Variants in GPR107 observed in about 807,000 individuals in gnomAD.
GPR107 encodes the protein G protein-coupled receptor 107, also known as protein GPR107.
A neutral mutation model predicts 75.5 loss-of-function variants in GPR107; 31 were observed. The ratio of observed to expected loss-of-function variants is 0.41; its 90% CI spans 0.31 to 0.55. GPR107 has a LOEUF of 0.55. GPR107 is among the 20% of genes least tolerant of loss of function. The probability of loss-of-function intolerance (pLI) is 0.26; values close to 1 mark genes in which losing one functional copy is unlikely to be tolerated. For synonymous variants in GPR107, 267 were observed against 251.3 expected, an observed-to-expected ratio of 1.06 and a Z score of -0.59; for missense variants, 572 against 665.7, an observed-to-expected ratio of 0.86 and a Z score of 1.55.
chr9:130,137,028 CCA>C lies in GPR107; in HGVS notation c.*1908_*1909del, dbSNP rs1249934208. On this transcript the variant is annotated 3_prime_UTR_variant, in exon 18 of 18. Transcript: ENST00000347136. The stretch of plus-strand genomic sequence containing the variant: ...TGTTTTCCTGTGCAGAAACATAATA[CCA>C]GTTTTCGCAGAAATGTGTCTCAATC... 1 of 152,192 alleles carries C rather than the reference CCA, an allele frequency of 6.6e-6. No homozygotes were observed. The highest frequency in any genetic ancestry group is 1.5e-5 in the Non-Finnish European group (1 of 68,040). 9.4% of individuals were successfully genotyped at this position (152,192 alleles called of 1,614,324 possible).
At chr9:130,082,907 A>G (rs774142904) in intron 5 of GPR107, among the ~76,000 whole-genome samples, 14 of 151,342 alleles carry the variant, frequency 9.3e-5, no homozygotes, top group Non-Finnish European at 1.8e-4. Flanking sequence ...AACTTTTTCA[A>G]GTGTGTAAAT....
intron 1 of GPR107, among the ~76,000 whole-genome samples, chr9:130,069,512 C>CT (rs1830147944): frequency 6.6e-6 from 1 of 152,160 alleles, no homozygotes. Context: ...CTCGCTTGTA[C>CT]TTTCTTCAGT....
chr9:130,092,118 G>T, intron 8 of GPR107, 130 bp from the exon 9 acceptor site: 2 of 716,038 alleles, frequency 2.8e-6, no homozygotes, highest in Non-Finnish European at 4.8e-6. Context: ...GAGATTACAG[G>T]TGTGAGCCAC....
chr9:130,078,965 T>G (rs537913334), intron 4 of GPR107, among the ~76,000 whole-genome samples: 19 of 152,146 alleles, frequency 1.2e-4, no homozygotes, highest in Admixed American at 3.9e-4. Context: ...TCACTTGCTT[T>G]CTTTATTTTT....
intron 14 of GPR107, chr9:130,110,241 C>A: frequency 1.5e-6 from 1 of 654,746 alleles, no homozygotes. Context: ...GAGTAGATGG[C>A]ACAGCAGGTG....
At chr9:130,074,655 T>A (rs1398642735) in intron 1 of GPR107, among the ~76,000 whole-genome samples, 1 of 152,106 alleles carries the variant, frequency 6.6e-6, no homozygotes, top group Admixed American at 6.6e-5. Flanking sequence ...TCCAAAAGAC[T>A]CTGTCTCCAT....
At chr9:130,104,396 C>G in intron 12 of GPR107, 24 bp from the exon 13 acceptor site, 1 of 1,612,400 alleles carries the variant, frequency 6.2e-7, no homozygotes. Flanking sequence ...GCTTTGGGGC[C>G]TCAGCAACTT....
intron 12 of GPR107, among the ~76,000 whole-genome samples, chr9:130,101,614 G>A (rs1831033233): frequency 6.6e-6 from 1 of 152,242 alleles, no homozygotes; most frequent in South Asian, 2.1e-4. Context: ...CTACACCAGT[G>A]AGTTTCCACA....
At chr9:130,056,367 TTGG>T (rs1829788428) in intron 1 of GPR107, among the ~76,000 whole-genome samples, 1 of 151,354 alleles carries the variant, frequency 6.6e-6, no homozygotes, top group Admixed American at 6.6e-5. Context: ...GGAGAATCGC[TTGG>T]ACCCAGGAGT....
At position 130,103,873 on chromosome 9, in the gene GPR107, C is replaced by T. The variant is rs1831097513; in HGVS notation, c.1132-547C>T. ...AAACGACAATAACCCGTCATTCTCT[C>T]TCTCAGTTTCTGTGGGTTAGGAATT... On this transcript the variant is annotated intron_variant, in intron 12 of 17. Coordinates refer to ENST00000347136, the MANE Select transcript of GPR107 (RefSeq NM_020960.5). This position sits in a 1 kb window ranked among gnomAD's most constrained non-coding sequence, Gnocchi z 4.3. 6.6e-6 allele frequency among the ~76,000 whole-genome samples: 1 copy of T among 152,332 alleles called. No individual in the cohort carries two copies. Among genetic ancestry groups the T allele is most frequent in the Non-Finnish European group, 1.5e-5 (1 of 68,038 alleles).
At chr9:130,077,069 G>A (rs1011816035) in intron 3 of GPR107, among the ~76,000 whole-genome samples, 3 of 151,812 alleles carry the variant, frequency 2.0e-5, no homozygotes, top group African/African-American at 7.3e-5. Flanking sequence ...TGTATTTTTA[G>A]TAGAGACGTG....
rs56799662 is a variant in GPR107, at chr9:130,071,035, CT to C, written c.142-4583del. Among the ~76,000 whole-genome samples, 733 of 98,178 alleles carry C rather than the reference CT, an allele frequency of 7.5e-3. 5 individuals carry two copies. Among genetic ancestry groups the C allele is most frequent in the Middle Eastern group, 0.022 (2 of 92 alleles). The allele number at this position is 98,178 out of a possible 152,430, so 64.4% of individuals were successfully genotyped here. A position where few individuals can be genotyped will look rare whatever the true frequency, so the allele number is the denominator to read the frequency against. On this transcript the variant is annotated intron_variant, in intron 1 of 17. Coordinates refer to ENST00000347136, the MANE Select transcript of GPR107 (RefSeq NM_020960.5). ...GGCCCAGTCCTAACTTTTTTTTTTTCTTTTTTTTTTTTTTTTTTGAGACAGA... is the reference window on the plus strand; with the variant it reads ...GGCCCAGTCCTAACTTTTTTTTTTTCTTTTTTTTTTTTTTTTTGAGACAGA...
intron 14 of GPR107, among the ~76,000 whole-genome samples, chr9:130,109,339 T>G (rs534322523): frequency 2.3e-4 from 34 of 150,162 alleles, no homozygotes; most frequent in Non-Finnish European, 4.3e-4. Context: ...CTCAGCTAAT[T>G]TTTGTGTTTT....
At chr9:130,059,763 G>C (rs1829881920) in intron 1 of GPR107, among the ~76,000 whole-genome samples, 2 of 142,916 alleles carry the variant, frequency 1.4e-5, no homozygotes, top group Non-Finnish European at 3.0e-5. Flanking sequence ...TTTTGAGATG[G>C]AGTTTGTTCT....
chr9:130,129,061 C>T lies in GPR107; in HGVS notation c.1562+300C>T, dbSNP rs547165807. On this transcript the variant is annotated intron_variant, in intron 17 of 17. Coordinates refer to ENST00000347136, the MANE Select transcript of GPR107 (RefSeq NM_020960.5). Reference sequence around the variant, plus strand: ...AACTTAGGAATATACGTGGCCAGTTCACGAGGGAGAACAGGGGGCCGACTT... The same window carrying T: ...AACTTAGGAATATACGTGGCCAGTTTACGAGGGAGAACAGGGGGCCGACTT... 1.3e-5 allele frequency: 3 copies of T among 225,662 alleles called. No homozygotes were observed. The Admixed American group carries it at 1.6e-4, about 12-fold the overall frequency. 14.0% of individuals were successfully genotyped at this position (225,662 alleles called of 1,614,324 possible).
chr9:130,122,256 C>T (rs1564683642), intron 14 of GPR107, among the ~76,000 whole-genome samples: 1 of 152,172 alleles, frequency 6.6e-6, no homozygotes, highest in African/African-American at 2.4e-5. Context: ...TGTGAAGAAT[C>T]GAGTGTTCAT....
In GPR107 at chr9:130,136,077, C is replaced by T. The variant is rs1340736194; in HGVS notation, c.*956C>T. On this transcript the variant is annotated 3_prime_UTR_variant, in exon 18 of 18. Coordinates refer to ENST00000347136, the MANE Select transcript of GPR107 (RefSeq NM_020960.5). ...GTAGTATTTAAGCAAATACTTAAGT[C>T]CAAGCAAATCATCCCCATTAAAAAG... The T allele has an allele frequency of 6.6e-6, 1 of 152,052 alleles. No individual in the cohort carries two copies. The highest frequency in any genetic ancestry group is 1.9e-4 in the East Asian group (1 of 5,188). 9.4% of individuals were successfully genotyped at this position (152,052 alleles called of 1,614,324 possible). A position where few individuals can be genotyped will look rare whatever the true frequency, so the allele number is the denominator to read the frequency against.
intron 14 of GPR107, 26 bp downstream of exon 14, chr9:130,107,565 G>A: frequency 1.3e-6 from 2 of 1,516,654 alleles, no homozygotes; most frequent in South Asian, 1.1e-5. Context: ...CTCATTTTGT[G>A]TTGCTCAGCT....
At chr9:130,108,375 A>G (rs969271445) in intron 14 of GPR107, among the ~76,000 whole-genome samples, 1 of 152,260 alleles carries the variant, frequency 6.6e-6, no homozygotes, top group African/African-American at 2.4e-5. Context: ...GATTCATTTT[A>G]GAAAATTCGG....
Sources: gnomAD v4.1 joint callset for allele counts (sites outside exome capture counted in the v4.1 genomes callset) on GRCh38, gnomAD v4.1.1 for gene constraint, Gnocchi (gnomAD v3.1) non-coding constraint, MANE v1.5 for transcripts, NCBI Gene and HGNC (gene_info 2026-07-23, HGNC 2026-07-21) for gene names.